The following AHCYL2 variants were observed in gnomAD, a reference collection of about 807,000 sequenced individuals.
AHCYL2 encodes adenosylhomocysteinase like 2, also known as S-adenosylhomocysteine hydrolase-like protein 2.
In AHCYL2, 28 loss-of-function variants were observed where a neutral mutation model predicts 81.4. That is an observed-to-expected ratio of 0.34 (90% CI 0.25 to 0.47). The LOEUF is 0.47. AHCYL2 is among the 20% of genes least tolerant of loss of function. The pLI is 1.00. For synonymous variants in AHCYL2, 272 were observed against 290.2 expected (o/e 0.94, Z 0.64); for missense variants, 551 against 785.1 (o/e 0.70, Z 3.56).
At chr7:129,225,532 CT>C (rs553268751) in intron 1 of AHCYL2, 93 bp downstream of exon 1, 84 of 1,397,654 alleles carry the variant, frequency 6.0e-5, no homozygotes, top group Non-Finnish European at 7.1e-5. Context: ...CCACGCCCTC[CT>C]TTCTGATCGC....
chr7:129,282,073 A>G (rs1584740263), intron 1 of AHCYL2, among the ~76,000 whole-genome samples: 2 of 152,196 alleles, frequency 1.3e-5, no homozygotes, highest in African/African-American at 4.8e-5. Context: ...ATTTAATTCC[A>G]TTATGGTTAG....
At chr7:129,266,934 A>G (rs1346401748) in intron 1 of AHCYL2, among the ~76,000 whole-genome samples, 1 of 152,222 alleles carries the variant, frequency 6.6e-6, no homozygotes, top group African/African-American at 2.4e-5. Flanking sequence ...AAAGATAGAC[A>G]TAAGAAAATG....
rs776666792 is a variant in AHCYL2 at position 129,397,251 on chromosome 7, G to T, written c.750G>T (p.Gly250=). 4.3e-6 allele frequency: 7 copies of T among 1,614,040 alleles called. No individual in the cohort carries two copies. Among genetic ancestry groups the T allele is most frequent in the Non-Finnish European group, 5.9e-6 (7 of 1,179,980 alleles). The part of the protein sequence containing the change: ...AVLMETLGAL[G]AQCRWAACNI... ...TTATGGAAACTCTGGGTGCTCTGGG[G>T]GCCCAGTGCCGATGGGCTGCCTGCA... Residue 250 remains glycine (G), a synonymous_variant, in exon 5 of 17, where the codon GGG becomes GGT. Coordinates refer to ENST00000325006, the MANE Select transcript of AHCYL2 (RefSeq NM_015328.4).
At chr7:129,425,636 A>G (rs822038) in intron 15 of AHCYL2, among the ~76,000 whole-genome samples, 46,652 of 152,104 alleles carry the variant, frequency 0.31, 7,401 homozygotes, top group African/African-American at 0.38. Flanking sequence ...GGTGTTTTGT[A>G]TAAGAGAAAC....
intron 1 of AHCYL2, among the ~76,000 whole-genome samples, chr7:129,280,176 TAC>T (rs1796379520): frequency 1.4e-5 from 1 of 71,664 alleles, no homozygotes; most frequent in African/African-American, 4.3e-5. Flanking sequence ...GTTTGCTAAA[TAC>T]TTTTTTTTTT....
chr7:129,377,982 A>C (rs1380541352), intron 1 of AHCYL2, among the ~76,000 whole-genome samples: 1 of 152,174 alleles, frequency 6.6e-6, no homozygotes, highest in Non-Finnish European at 1.5e-5. Flanking sequence ...TACTGCTTTT[A>C]GGTATTTTAT....
At chr7:129,413,370 T>G (rs1796688562) in intron 11 of AHCYL2, among the ~76,000 whole-genome samples, 1 of 151,706 alleles carries the variant, frequency 6.6e-6, no homozygotes, top group African/African-American at 2.4e-5. Flanking sequence ...TTCGATCTCC[T>G]GACCTTGTGA....
At chr7:129,350,902 C>T (rs1369859794) in intron 1 of AHCYL2, among the ~76,000 whole-genome samples, 1 of 151,870 alleles carries the variant, frequency 6.6e-6, no homozygotes, top group African/African-American at 2.4e-5. Context: ...CAGGGTTTCA[C>T]CATGTTGACC....
chr7:129,299,684 C>T (rs1023033096), intron 1 of AHCYL2, among the ~76,000 whole-genome samples: 3 of 152,070 alleles, frequency 2.0e-5, no homozygotes, highest in African/African-American at 7.2e-5. Context: ...TGAGCCATCA[C>T]GCCCAGCCAG....
At chr7:129,358,979 A>G (rs1793840086) in intron 1 of AHCYL2, among the ~76,000 whole-genome samples, 1 of 152,230 alleles carries the variant, frequency 6.6e-6, no homozygotes, top group Non-Finnish European at 1.5e-5. Flanking sequence ...TGCATACTCC[A>G]TAACCTAGCA....
rs574793772 is a variant in AHCYL2 at position 129,266,232 on chromosome 7, C to T, written c.363+40793C>T. Among the ~76,000 whole-genome samples the T allele has an allele frequency of 3.3e-5, 5 of 152,262 alleles. No individual in the cohort carries two copies. The East Asian group carries it at 7.7e-4, about 23-fold the overall frequency. On this transcript the variant is annotated intron_variant, in intron 1 of 16. Transcript: ENST00000325006. ...ATTACAAAGTTGTTTCAGCCTTTAT[C>T]GGTTAGGCTTCTTTGGTTGCAAAAC... is the stretch of plus-strand genomic sequence containing the variant.
rs376965211 is a variant in AHCYL2, at chr7:129,425,049, C to G, written c.1630-14C>G. 3 of 1,613,700 alleles carry G rather than the reference C, an allele frequency of 1.9e-6. No homozygotes were observed. The highest frequency in any genetic ancestry group is 2.7e-5 in the African/African-American group (2 of 74,916). ...ATGAATGGCACATCAGCATCCATCT[C>G]TCTGCTTTTCTAGGCTCTTGCCTTG... On this transcript the variant is annotated splice_polypyrimidine_tract_variant and intron_variant, in intron 14 of 16. Transcript: ENST00000325006.
At chr7:129,410,615 C>T (rs1388913065) in intron 11 of AHCYL2, among the ~76,000 whole-genome samples, 1 of 152,178 alleles carries the variant, frequency 6.6e-6, no homozygotes, top group African/African-American at 2.4e-5. Context: ...ATGTATGTTT[C>T]TCTCTAGTAT....
chr7:129,236,138 C>T (rs2150682089), intron 1 of AHCYL2, among the ~76,000 whole-genome samples: 1 of 151,746 alleles, frequency 6.6e-6, no homozygotes, highest in East Asian at 1.9e-4. Flanking sequence ...CCTCCCATCT[C>T]AGCCTCCTGA....
chr7:129,253,352 A>G (rs1311653138), intron 1 of AHCYL2, among the ~76,000 whole-genome samples: 1 of 152,198 alleles, frequency 6.6e-6, no homozygotes, highest in Non-Finnish European at 1.5e-5. Context: ...AGTATCGAAG[A>G]ATACTCTTTT....
chr7:129,392,555 G>T (rs926587304), intron 4 of AHCYL2, among the ~76,000 whole-genome samples: 20 of 152,130 alleles, frequency 1.3e-4, no homozygotes, highest in African/African-American at 3.9e-4. Flanking sequence ...CGCCTAGGGG[G>T]TTAGTTTTTA....
At chr7:129,227,384 A>G (rs762758164) in intron 1 of AHCYL2, among the ~76,000 whole-genome samples, 1 of 150,820 alleles carries the variant, frequency 6.6e-6, no homozygotes, top group Admixed American at 6.6e-5. Flanking sequence ...ACTTTGGGAA[A>G]CCACGGCTGG....
chr7:129,253,508 T>G (rs1795309758), intron 1 of AHCYL2, among the ~76,000 whole-genome samples: 1 of 152,242 alleles, frequency 6.6e-6, no homozygotes, highest in African/African-American at 2.4e-5. Flanking sequence ...TGTCCAAGGC[T>G]TCAGAGCTGT....
intron 1 of AHCYL2, among the ~76,000 whole-genome samples, chr7:129,371,077 G>A (rs945256638): frequency 6.6e-6 from 1 of 152,186 alleles, no homozygotes; most frequent in Non-Finnish European, 1.5e-5. Context: ...CTTGTAAAAT[G>A]TTAAAGTGTC....
Sources: allele counts gnomAD v4.1 joint callset (sites outside exome capture counted in the v4.1 genomes callset), GRCh38; gene constraint gnomAD v4.1.1; transcripts MANE v1.5; gene names NCBI Gene and HGNC (gene_info 2026-07-23, HGNC 2026-07-21).